HSPA12B: variants seen among roughly 807,000 people sequenced by gnomAD.
HSPA12B encodes the protein heat shock 70 kDa protein 12B.
A neutral mutation model predicts 69.3 loss-of-function variants in HSPA12B; 54 were observed. That is an observed-to-expected ratio of 0.78 (90% CI 0.63 to 0.98). The LOEUF is 0.98. HSPA12B is among the 50% of genes least tolerant of loss of function. HSPA12B has a pLI of 0.00. For missense variants in HSPA12B, 929 were observed against 999.8 expected (o/e 0.93, Z 0.96); for synonymous variants, 441 against 436.5 (o/e 1.01, Z -0.13).
chr20:3,734,704 G>A (rs778188582), intron 1 of HSPA12B, among the ~76,000 whole-genome samples: 1 of 151,646 alleles, frequency 6.6e-6, no homozygotes, highest in Non-Finnish European at 1.5e-5. Flanking sequence ...TCCACCTCTC[G>A]GGGAATCCGT....
At chr20:3,736,257 C>G (rs1402072444) in intron 1 of HSPA12B, among the ~76,000 whole-genome samples, 1 of 152,186 alleles carries the variant, frequency 6.6e-6, no homozygotes, top group African/African-American at 2.4e-5. Context: ...TTTCCCTTTT[C>G]TCCTCAACAG....
Position 3,750,827 on chromosome 20 carries a change from C to T in HSPA12B, c.1325C>T (p.Ser442Leu). ...AGCGTGAACTTCGTGAAGTGGTCCT[C>T]ACAGGGGATGCTCCGAATGTCTTGT... ...RSSVNFVKWS[S>L]QGMLRMSCEA... The change falls in exon 12 of 13, where the codon TCA becomes TTA. Residue 442 changes from serine to leucine, a missense_variant. By Grantham distance (145) the Ser-to-Leu change is moderately radical. Around this residue, in one of 3 missense-constraint regions of HSPA12B, gnomAD observed 448 missense variants for 448.1 expected, o/e 1.00. Transcript: ENST00000254963. 6.2e-7 allele frequency: 1 copy of T among 1,613,956 alleles called. No homozygotes were observed.
At chr20:3,746,644 C>T (rs2088312806) in intron 7 of HSPA12B, among the ~76,000 whole-genome samples, 1 of 152,128 alleles carries the variant, frequency 6.6e-6, no homozygotes, top group African/African-American at 2.4e-5. Flanking sequence ...AAGAAGGTTT[C>T]TCAGGAGAAA....
chr20:3,748,351 C>A lies in HSPA12B; in HGVS notation c.810C>A (p.Arg270=). Residue 270 remains arginine, a synonymous_variant, in exon 8 of 13, where the codon CGC becomes CGA. Coordinates refer to ENST00000254963, the MANE Select transcript of HSPA12B (RefSeq NM_052970.5). ...GTGGCCGGGCCCCAGGTGGTGGGCGCCTGGGTGAGCGCCGCTCCATCGACT... is the reference window on the plus strand; with the variant it reads ...GTGGCCGGGCCCCAGGTGGTGGGCGACTGGGTGAGCGCCGCTCCATCGACT... The part of the protein sequence containing the change: ...DLSGRAPGGG[R]LGERRSIDSS... 6.2e-7 allele frequency: 1 copy of A among 1,609,118 alleles called. No individual in the cohort carries two copies. The highest frequency in any genetic ancestry group is 8.5e-7 in the Non-Finnish European group (1 of 1,178,028).
intron 3 of HSPA12B, among the ~76,000 whole-genome samples, chr20:3,741,117 CTGAGAAGGCGAGCCCCA>C (rs2038339712): frequency 6.6e-6 from 1 of 152,096 alleles, no homozygotes; most frequent in African/African-American, 2.4e-5. Flanking sequence ...AACAATTCTA[CTGAGAAGGCGAGCCCCA>C]TGTAACTAAC....
Position 3,752,297 on chromosome 20 carries a change from G to C in HSPA12B, c.*131G>C, listed in dbSNP as rs1377372644. The C allele has an allele frequency of 5.5e-6, 5 of 904,270 alleles. No homozygotes were observed. The highest frequency in any genetic ancestry group is 7.8e-6 in the Non-Finnish European group (5 of 644,290). 56.0% of individuals were successfully genotyped at this position (904,270 alleles called of 1,614,324 possible). A position where few individuals can be genotyped will look rare whatever the true frequency, so the allele number is the denominator to read the frequency against. ...GCGCCTTTCCACGCCCTCCAGCCCC[G>C]GGGGAGATAAGGTCATGGGAGAGTG... On this transcript the variant is annotated 3_prime_UTR_variant, in exon 13 of 13. Coordinates refer to ENST00000254963, the MANE Select transcript of HSPA12B (RefSeq NM_052970.5).
intron 12 of HSPA12B, chr20:3,751,267 C>T (rs1026828274): frequency 5.3e-5 from 52 of 985,360 alleles, no homozygotes; most frequent in Admixed American, 6.1e-5. Context: ...ATATCCTTAT[C>T]TCTCGTCCTC....
chr20:3,735,527 G>A (rs1440647900), intron 1 of HSPA12B, among the ~76,000 whole-genome samples: 5 of 150,852 alleles, frequency 3.3e-5, no homozygotes, highest in African/African-American at 4.9e-5. Context: ...GTGCAATGGC[G>A]CGATCTTGGC....
chr20:3,750,031 G>T lies in HSPA12B; in HGVS notation c.1105G>T (p.Gly369Cys), dbSNP rs774344821. Residue 369 changes from glycine (G) to cysteine (C), a missense_variant, in exon 11 of 13, where the codon GGC becomes TGC. Around this residue, in one of 3 missense-constraint regions of HSPA12B, gnomAD observed 477 missense variants for 535.2 expected, o/e 0.89. Transcript: ENST00000254963. ...CGAGCAGCTGCTGTGCCGCATCTTC[G>T]GCGAGGACTTCATCGCCACCTTCAA... is the stretch of plus-strand genomic sequence containing the variant. ...AFEQLLCRIF[G>C]EDFIATFKRQ... The T allele has an allele frequency of 4.4e-6, 7 of 1,602,060 alleles. No homozygotes were observed. The highest frequency in any genetic ancestry group is 1.1e-5 in the South Asian group (1 of 89,184).
intron 11 of HSPA12B, 54 bp from the exon 12 acceptor site, chr20:3,750,750 G>T: frequency 6.2e-7 from 1 of 1,611,494 alleles, no homozygotes; most frequent in Non-Finnish European, 8.5e-7. Context: ...CCCCAAACTG[G>T]GGCAAGCAGC....
Position 3,750,012 on chromosome 20 carries a change from G to T in HSPA12B, c.1086G>T (p.Gln362His). The T allele has an allele frequency of 6.3e-7, 1 of 1,590,582 alleles. No individual in the cohort carries two copies. The highest frequency in any genetic ancestry group is 8.6e-7 in the Non-Finnish European group (1 of 1,169,452). Residue 362 changes from glutamine to histidine, a missense_variant, in exon 11 of 13, where the codon CAG becomes CAT. Physicochemically the swap from Gln to His is conservative, Grantham distance 24. Coordinates refer to ENST00000254963, the MANE Select transcript of HSPA12B (RefSeq NM_052970.5). Reference sequence around the variant, plus strand: ...TGGGCGTGGACCTGGCCTTCGAGCAGCTGCTGTGCCGCATCTTCGGCGAGG... The same window carrying T: ...TGGGCGTGGACCTGGCCTTCGAGCATCTGCTGTGCCGCATCTTCGGCGAGG... ...GAVGVDLAFE[Q>H]LLCRIFGEDF...
chr20:3,750,975 C>CT (rs2088409875), intron 12 of HSPA12B, 68 bp downstream of exon 12: 10 of 1,312,198 alleles, frequency 7.6e-6, no homozygotes, highest in Non-Finnish European at 1.1e-5. Context: ...AATTCCCCCC[C>CT]ATCAGTGCCT....
rs751053215 is a variant in HSPA12B, at chr20:3,745,926, G to A, written c.570G>A (p.Glu190=). 2 of 1,613,952 alleles carry A rather than the reference G, an allele frequency of 1.2e-6. No homozygotes were observed. The highest frequency in any genetic ancestry group is 1.7e-6 in the Non-Finnish European group (2 of 1,179,978). Residue 190 remains glutamate (E), a synonymous_variant, in exon 7 of 13, where the codon GAG becomes GAA. Coordinates refer to ENST00000254963, the MANE Select transcript of HSPA12B (RefSeq NM_052970.5). This position sits in a 1 kb window ranked among gnomAD's most constrained non-coding sequence, Gnocchi z 5.6. The stretch of plus-strand genomic sequence containing the variant: ...CCCTCCTGTACCAGGAGCTGAGGGA[G>A]CAGAGCCCATCGCTGCCAGAGAAGG... ...FREHALQELR[E]QSPSLPEKDT...
In HSPA12B at chr20:3,749,761, G is replaced by A. The variant is rs1228204231; in HGVS notation, c.949G>A (p.Val317Met). 2 of 1,598,040 alleles carry A rather than the reference G, an allele frequency of 1.3e-6. No homozygotes were observed. Among genetic ancestry groups the A allele is most frequent in the Non-Finnish European group, 1.7e-6 (2 of 1,175,738 alleles). Residue 317 changes from valine (V) to methionine (M), a missense_variant, in exon 10 of 13, where the codon GTG becomes ATG. Val to Met is a conservative substitution (Grantham distance 21, BLOSUM62 1). Around this residue, in one of 3 missense-constraint regions of HSPA12B, gnomAD observed 477 missense variants for 535.2 expected, o/e 0.89. Coordinates refer to ENST00000254963, the MANE Select transcript of HSPA12B (RefSeq NM_052970.5). The surrounding 1 kb of genome is among the most constrained non-coding windows in gnomAD (Gnocchi z 5.5). ...WAEMQAGDRYVVADCGGGTVD... is the reference protein window; with the variant it reads ...WAEMQAGDRYMVADCGGGTVD... ...GCTCGCCGCCGCAGGAGACCGCTAC[G>A]TGGTGGCCGACTGCGGCGGAGGCAC...
rs931839305 is a variant in HSPA12B, at chr20:3,744,261, A to C, written c.267-641A>C. Among the ~76,000 whole-genome samples, 25 of 152,316 alleles carry C rather than the reference A, an allele frequency of 1.6e-4. No individual in the cohort carries two copies. The highest frequency in any genetic ancestry group is 6.0e-4 in the African/African-American group (25 of 41,570). ...ATGAGACTGGACTGTCCTTCCTTCC[A>C]CATCACAGGAAACCACAAAGGCTCT... On this transcript the variant is annotated intron_variant, in intron 4 of 12. Coordinates refer to ENST00000254963, the MANE Select transcript of HSPA12B (RefSeq NM_052970.5). This position sits in a 1 kb window ranked among gnomAD's most constrained non-coding sequence, Gnocchi z 4.9.
rs892905517 is a variant in HSPA12B at position 3,750,856 on chromosome 20, G to A, written c.1354G>A (p.Ala452Thr). Residue 452 changes from alanine (A) to threonine (T), a missense_variant, in exon 12 of 13, where the codon GCC becomes ACC. Transcript: ENST00000254963. ...GGGGATGCTCCGAATGTCTTGTGAA[G>A]CCATGAACGAGCTCTTTCAGCCCAC... ...SQGMLRMSCEAMNELFQPTVS... is the reference protein window; with the variant it reads ...SQGMLRMSCETMNELFQPTVS... 2 of 1,614,010 alleles carry A rather than the reference G, an allele frequency of 1.2e-6. No homozygotes were observed. Among genetic ancestry groups the A allele is most frequent in the East Asian group, 4.5e-5 (2 of 44,890 alleles).
chr20:3,734,618 T>C (rs553864671), intron 1 of HSPA12B, among the ~76,000 whole-genome samples: 1 of 152,264 alleles, frequency 6.6e-6, no homozygotes, highest in African/African-American at 2.4e-5. Flanking sequence ...TTGTCCCGTG[T>C]TCTGTGGTCA....
chr20:3,734,155 A>G (rs2146548259), intron 1 of HSPA12B, among the ~76,000 whole-genome samples: 1 of 152,318 alleles, frequency 6.6e-6, no homozygotes, highest in Admixed American at 6.5e-5. Context: ...GCAACAGAGC[A>G]AGACCCTGTC....
At position 3,745,673 on chromosome 20, in the gene HSPA12B, C is replaced by A; in HGVS notation, c.558+76C>A. The A allele has an allele frequency of 7.5e-7, 1 of 1,332,664 alleles. No individual in the cohort carries two copies. Among genetic ancestry groups the A allele is most frequent in the Non-Finnish European group, 1.1e-6 (1 of 935,652 alleles). The allele number at this position is 1,332,664 out of a possible 1,614,324, so 82.6% of individuals were successfully genotyped here. ...CCCTCATCCGAAACCGCTCCCCCAT[C>A]CCGTCCCCGACATTGGATGGGTAGC... On this transcript the variant is annotated intron_variant, in intron 6 of 12. Transcript: ENST00000254963. The surrounding 1 kb of genome is among the most constrained non-coding windows in gnomAD (Gnocchi z 5.6).
Sources: gnomAD v4.1 joint callset for allele counts (sites outside exome capture counted in the v4.1 genomes callset) on GRCh38, gnomAD v4.1.1 for gene constraint, gnomAD v4.1.1 regional missense constraint, Gnocchi (gnomAD v3.1) non-coding constraint, MANE v1.5 for transcripts, NCBI Gene and HGNC (gene_info 2026-07-23, HGNC 2026-07-21) for gene names.